Variants in CSMD3 observed in about 807,000 individuals in gnomAD.
CSMD3 encodes CUB and sushi domain-containing protein 3.
In CSMD3, 177 loss-of-function variants were observed where a neutral mutation model predicts 435.2. The observed-to-expected ratio is 0.41, with a 90% confidence interval of 0.36 to 0.46. CSMD3 has a LOEUF of 0.46. CSMD3 is among the 20% of genes least tolerant of loss of function. The probability of loss-of-function intolerance (pLI) is 0.34; values close to 1 mark genes in which losing one functional copy is unlikely to be tolerated. For missense variants in CSMD3, 4,265 were observed against 4,504.6 expected (o/e 0.95, Z 1.52); for synonymous variants, 1,656 against 1,520.5 (o/e 1.09, Z -2.07).
chr8:112,299,290 A>G (rs1820676859), intron 53 of CSMD3, among the ~76,000 whole-genome samples: 1 of 152,090 alleles, frequency 6.6e-6, no homozygotes, highest in Non-Finnish European at 1.5e-5. Flanking sequence ...AGTTACACTG[A>G]TGTATACATT....
rs141619068 is a variant in CSMD3 at position 112,934,405 on chromosome 8, T to C, written c.1509-12654A>G. 7.1e-3 allele frequency among the ~76,000 whole-genome samples: 1,085 copies of C among 152,308 alleles called. 18 individuals carry two copies. Among genetic ancestry groups the C allele is most frequent in the African/African-American group, 0.025 (1,019 of 41,570 alleles). ...ACACATAGGTTGCTACAGTATACTT[T>C]AAATTTTTGAAGGAAACACAGATAT... is the stretch of plus-strand genomic sequence containing the variant. On this transcript the variant is annotated intron_variant, in intron 9 of 70. Coordinates refer to ENST00000297405, the MANE Select transcript of CSMD3 (RefSeq NM_198123.2).
chr8:113,200,020 C>T (rs1229104475), intron 3 of CSMD3, among the ~76,000 whole-genome samples: 2 of 151,834 alleles, frequency 1.3e-5, no homozygotes, highest in Non-Finnish European at 2.9e-5. Flanking sequence ...GATTTATATA[C>T]CCAAATGCCT....
intron 22 of CSMD3, among the ~76,000 whole-genome samples, chr8:112,613,747 G>A (rs1214162558): frequency 6.6e-6 from 1 of 152,092 alleles, no homozygotes; most frequent in Non-Finnish European, 1.5e-5. Context: ...AAAAAAAAGA[G>A]CAAGAAAGAT....
chr8:113,057,484 C>A (rs1373882373), intron 5 of CSMD3, among the ~76,000 whole-genome samples: 1 of 151,772 alleles, frequency 6.6e-6, no homozygotes, highest in Non-Finnish European at 1.5e-5. Flanking sequence ...CAGTGTGAAT[C>A]TCATTAGAGC....
chr8:113,156,645 A>C (rs1320468108), intron 4 of CSMD3, among the ~76,000 whole-genome samples: 1 of 151,844 alleles, frequency 6.6e-6, no homozygotes, highest in Non-Finnish European at 1.5e-5. Flanking sequence ...TCACGTCTGC[A>C]ATCCCAGCAT....
rs1563545867 is a variant in CSMD3 at position 112,447,525 on chromosome 8, A to G, written c.5395+25066T>C. 2.0e-5 allele frequency among the ~76,000 whole-genome samples: 3 copies of G among 152,178 alleles called. No homozygotes were observed. The South Asian group carries it at 6.2e-4, about 31-fold the overall frequency. The stretch of plus-strand genomic sequence containing the variant: ...TATAATAAACTTAGATTTTGGCTCT[A>G]TGATGACAATACAATCATAAGAAGT... On this transcript the variant is annotated intron_variant, in intron 32 of 70. Transcript: ENST00000297405.
chr8:112,987,615 G>T (rs779158218), intron 6 of CSMD3, among the ~76,000 whole-genome samples: 5 of 152,066 alleles, frequency 3.3e-5, no homozygotes, highest in Non-Finnish European at 7.4e-5. Flanking sequence ...GACCAAAATT[G>T]CACAGTCTCA....
Position 112,287,196 on chromosome 8 carries a change from T to C in CSMD3, c.9199A>G (p.Arg3067Gly), listed in dbSNP as rs1201808225. The part of the protein sequence containing the change: ...GDPGTPGHGS[R>G]QESNFRTKST... Reference sequence around the variant, plus strand: ...TTAGTTCTGAAATTGCTTTCCTGTCTAGAGCCATGGCCGGGAGTACCTGGA... The same window carrying C: ...TTAGTTCTGAAATTGCTTTCCTGTCCAGAGCCATGGCCGGGAGTACCTGGA... The change falls in exon 58 of 71, where the codon AGA becomes GGA. Residue 3067 changes from arginine (R) to glycine (G), a missense_variant. Around this residue, in one of 3 missense-constraint regions of CSMD3, gnomAD observed 3,255 missense variants for 3,380.2 expected, o/e 0.96. Transcript: ENST00000297405. 1 of 1,613,772 alleles carries C rather than the reference T, an allele frequency of 6.2e-7. No homozygotes were observed. Among genetic ancestry groups the C allele is most frequent in the South Asian group, 1.1e-5 (1 of 91,082 alleles).
chr8:113,155,120 T>C (rs2091905671), intron 4 of CSMD3, among the ~76,000 whole-genome samples: 1 of 152,044 alleles, frequency 6.6e-6, no homozygotes, highest in African/African-American at 2.4e-5. Flanking sequence ...TAATAGTTAC[T>C]GTAAAGCAAC....
chr8:112,700,109 AT>A (rs2076356135), intron 13 of CSMD3, among the ~76,000 whole-genome samples: 1 of 152,160 alleles, frequency 6.6e-6, no homozygotes, highest in East Asian at 1.9e-4. Context: ...TTCAAACTGA[AT>A]ATTTGGGAAT....
intron 1 of CSMD3, among the ~76,000 whole-genome samples, chr8:113,400,010 G>A (rs560063044): frequency 6.6e-6 from 1 of 151,452 alleles, no homozygotes; most frequent in South Asian, 2.1e-4. Flanking sequence ...AACAACTTAT[G>A]GGAATGTTAT....
At chr8:112,874,534 T>C (rs1229221348) in intron 10 of CSMD3, among the ~76,000 whole-genome samples, 2 of 152,098 alleles carry the variant, frequency 1.3e-5, no homozygotes, top group African/African-American at 4.8e-5. Flanking sequence ...TGTGTGGGCG[T>C]CTAAGTTTTT....
intron 32 of CSMD3, among the ~76,000 whole-genome samples, chr8:112,413,547 A>T (rs944271925): frequency 1.8e-4 from 28 of 152,174 alleles, no homozygotes; most frequent in Admixed American, 4.6e-4. Flanking sequence ...GAGCATTAGC[A>T]TAGATAACTG....
intron 31 of CSMD3, among the ~76,000 whole-genome samples, chr8:112,487,956 CAG>C (rs1283273918): frequency 2.6e-5 from 4 of 151,988 alleles, no homozygotes; most frequent in South Asian, 2.1e-4. Flanking sequence ...GAAAAATAAA[CAG>C]GGAAGAAATT....
intron 13 of CSMD3, among the ~76,000 whole-genome samples, chr8:112,758,052 T>G (rs1462880995): frequency 6.6e-6 from 1 of 151,762 alleles, no homozygotes; most frequent in African/African-American, 2.4e-5. Flanking sequence ...TGAAACTCCA[T>G]CTCAAAGATT....
At chr8:112,918,234 TAAC>T (rs2082629873) in intron 10 of CSMD3, among the ~76,000 whole-genome samples, 1 of 151,936 alleles carries the variant, frequency 6.6e-6, no homozygotes, top group Admixed American at 6.6e-5. Flanking sequence ...AAATGAATAA[TAAC>T]AATTTCATGC....
intron 6 of CSMD3, among the ~76,000 whole-genome samples, chr8:112,983,485 TCTTAAGAATTAAGTATTGCC>T (rs2085128280): frequency 6.6e-6 from 1 of 151,228 alleles, no homozygotes; most frequent in Admixed American, 6.7e-5. Context: ...TAAAAGATGT[TCTTAAGAATTAAGTATTGCC>T]CAAAAAAATT....
chr8:112,592,560 T>C (rs1024920508), intron 22 of CSMD3, among the ~76,000 whole-genome samples: 2 of 152,070 alleles, frequency 1.3e-5, no homozygotes, highest in Non-Finnish European at 2.9e-5. Flanking sequence ...ATTAGGGTAA[T>C]CTTTATTACC....
In CSMD3 at chr8:112,949,249, G is replaced by A. The variant is rs547019927; in HGVS notation, c.1421-1372C>T. 3.4e-4 allele frequency among the ~76,000 whole-genome samples: 52 copies of A among 151,884 alleles called. No homozygotes were observed. The Middle Eastern group carries it at 0.014, about 40-fold the overall frequency. On this transcript the variant is annotated intron_variant, in intron 8 of 70. Transcript: ENST00000297405. ...GTTGTCGTTTTCTAAATTAAACATC[G>A]GATTTTGCATGTTTTTACAGCATTC...
Sources: allele counts gnomAD v4.1 joint callset (sites outside exome capture counted in the v4.1 genomes callset), GRCh38; gene constraint gnomAD v4.1.1; regional missense constraint gnomAD v4.1.1; transcripts MANE v1.5; gene names NCBI Gene and HGNC (gene_info 2026-07-23, HGNC 2026-07-21).